Variants in JAM2 observed in about 807,000 individuals in gnomAD.
JAM2 encodes junctional adhesion molecule 2.
JAM2 carries 17 observed loss-of-function variants against 42.0 expected under a neutral mutation model. The ratio of observed to expected loss-of-function variants is 0.40; its 90% CI spans 0.28 to 0.61. JAM2 has a LOEUF of 0.61. Ranked by LOEUF, JAM2 falls within the 20% of genes least tolerant of loss-of-function variation. JAM2 has a pLI of 0.37. For missense variants in JAM2, 319 were observed against 358.3 expected (o/e 0.89, Z 0.89); for synonymous variants, 118 against 128.6 (o/e 0.92, Z 0.56).
chr21:25,669,464 G>A (rs574231031), intron 1 of JAM2, among the ~76,000 whole-genome samples: 3 of 152,180 alleles, frequency 2.0e-5, no homozygotes, highest in Admixed American at 6.5e-5. Context: ...ATCCTCATAC[G>A]CGATTATTGT....
At chr21:25,665,812 G>A (rs894216841) in intron 1 of JAM2, among the ~76,000 whole-genome samples, 15 of 152,036 alleles carry the variant, frequency 9.9e-5, no homozygotes, top group African/African-American at 3.1e-4. Context: ...AGGCCGAGGC[G>A]GGTGGATTAC....
chr21:25,683,308 G>T (rs966341263), intron 1 of JAM2, among the ~76,000 whole-genome samples: 2 of 152,044 alleles, frequency 1.3e-5, no homozygotes, highest in African/African-American at 4.8e-5. Flanking sequence ...TCTATAGACC[G>T]GCTCTCAAAA....
At chr21:25,707,745 G>C (rs753747024) in intron 7 of JAM2, among the ~76,000 whole-genome samples, 2 of 152,146 alleles carry the variant, frequency 1.3e-5, no homozygotes, top group Non-Finnish European at 2.9e-5. Context: ...TGGCAATAGT[G>C]TGTAAAATAA....
At position 25,698,852 on chromosome 21, in the gene JAM2, C is replaced by T. The variant is rs1417123555; in HGVS notation, c.570C>T (p.Tyr190=). ...GCTCCCAAAGCACCAACAGCTCATA[C>T]ACAATGAATACAAAAACTGGAACTC... ...RLGSQSTNSS[Y]TMNTKTGTLQ... The change falls in exon 5 of 10, where the codon TAC becomes TAT. Residue 190 remains tyrosine (Y), a synonymous_variant. Transcript: ENST00000480456. The T allele has an allele frequency of 1.2e-6, 2 of 1,613,998 alleles. No individual in the cohort carries two copies. Among genetic ancestry groups the T allele is most frequent in the Admixed American group, 1.7e-5 (1 of 60,004 alleles).
At chr21:25,646,372 T>C (rs931095232) in intron 1 of JAM2, among the ~76,000 whole-genome samples, 5 of 152,258 alleles carry the variant, frequency 3.3e-5, no homozygotes, top group African/African-American at 1.2e-4. Context: ...ACAGTAGCTC[T>C]TTTGGTTACT....
intron 1 of JAM2, among the ~76,000 whole-genome samples, chr21:25,667,905 AAAAG>A (rs879700542): frequency 5.4e-4 from 82 of 152,362 alleles, no homozygotes; most frequent in Non-Finnish European, 8.5e-4. Flanking sequence ...TGAAAAAAGA[AAAAG>A]AAAAGCAGGA....
At chr21:25,668,130 T>C (rs2033268609) in intron 1 of JAM2, among the ~76,000 whole-genome samples, 1 of 152,162 alleles carries the variant, frequency 6.6e-6, no homozygotes, top group Admixed American at 6.5e-5. Context: ...AGGAAGCCAG[T>C]GTCCCTGGAG....
In JAM2 at chr21:25,655,386, C is replaced by G. The variant is rs150764709; in HGVS notation, c.67+15498C>G. ...TTTTTTTTTTTGTCCTTGAAGCCCT[C>G]TGGTCTTTTTTGTATGCTCCACTTT... On this transcript the variant is annotated intron_variant, in intron 1 of 9. Transcript: ENST00000480456. Among the ~76,000 whole-genome samples, 836 of 111,342 alleles carry G rather than the reference C, an allele frequency of 7.5e-3. 13 individuals carry two copies. The highest frequency in any genetic ancestry group is 0.028 in the African/African-American group (804 of 28,586). The allele number at this position is 111,342 out of a possible 152,430, so 73.0% of individuals were successfully genotyped here.
chr21:25,706,126 T>A (rs371588570), intron 7 of JAM2, 40 bp downstream of exon 7: 1 of 1,234,112 alleles, frequency 8.1e-7, no homozygotes, highest in Admixed American at 1.7e-5. Flanking sequence ...TAACTTTCTA[T>A]GGCTATGGAG....
At chr21:25,647,098 G>A (rs555652678) in intron 1 of JAM2, among the ~76,000 whole-genome samples, 2 of 152,026 alleles carry the variant, frequency 1.3e-5, no homozygotes, top group Admixed American at 6.6e-5. Context: ...TTTACTCTTC[G>A]CTTTCTTCAC....
At chr21:25,676,663 A>C (rs916380379) in intron 1 of JAM2, among the ~76,000 whole-genome samples, 1 of 152,204 alleles carries the variant, frequency 6.6e-6, no homozygotes, top group Non-Finnish European at 1.5e-5. Context: ...GCTAACTTTA[A>C]GACAATTGTT....
At chr21:25,689,995 G>C (rs2033842110) in intron 3 of JAM2, 22 bp downstream of exon 3, 2 of 1,463,078 alleles carry the variant, frequency 1.4e-6, no homozygotes, top group East Asian at 4.5e-5. Flanking sequence ...TAGGCTTGAA[G>C]AGGTGTGAGC....
At chr21:25,684,311 G>A (rs1193839257) in intron 2 of JAM2, among the ~76,000 whole-genome samples, 2 of 152,204 alleles carry the variant, frequency 1.3e-5, no homozygotes, top group East Asian at 1.9e-4. Flanking sequence ...TTAAGGTGAT[G>A]TTAATATAGC....
chr21:25,714,209 A>G (rs2034436715), intron 9 of JAM2: 1 of 1,302,344 alleles, frequency 7.7e-7, no homozygotes, highest in Admixed American at 2.3e-5. Context: ...AGTTTAATTA[A>G]ATATATACTG....
intron 3 of JAM2, 140 bp from the exon 4 acceptor site, chr21:25,693,616 A>G (rs1380612408): frequency 1.4e-6 from 1 of 720,710 alleles, no homozygotes; most frequent in Non-Finnish European, 2.2e-6. Context: ...CAGCATCTAT[A>G]TACAACTTTT....
intron 9 of JAM2, among the ~76,000 whole-genome samples, chr21:25,714,018 G>A (rs551102719): frequency 6.6e-6 from 1 of 152,304 alleles, no homozygotes; most frequent in South Asian, 2.1e-4. Context: ...TTGGTGTAAG[G>A]TGCTGTCCTG....
At chr21:25,686,189 A>G in intron 2 of JAM2, among the ~76,000 whole-genome samples, 1 of 152,238 alleles carries the variant, frequency 6.6e-6, no homozygotes. Flanking sequence ...TTTTTAATAT[A>G]GAAAATCCTT....
rs1568918932 is a variant in JAM2, at chr21:25,705,968, T to C, written c.698-11T>C. On this transcript the variant is annotated splice_polypyrimidine_tract_variant and intron_variant, in intron 6 of 9. Transcript: ENST00000480456. Reference sequence around the variant, plus strand: ...CACATATATTTATGCGTAATTTATTTTACATTCCAGATGATCTCAACATAA... The same window carrying C: ...CACATATATTTATGCGTAATTTATTCTACATTCCAGATGATCTCAACATAA... 6.4e-7 allele frequency: 1 copy of C among 1,571,878 alleles called. No individual in the cohort carries two copies. Among genetic ancestry groups the C allele is most frequent in the Non-Finnish European group, 8.8e-7 (1 of 1,141,604 alleles).
At chr21:25,643,025 A>G (rs917874836) in intron 1 of JAM2, among the ~76,000 whole-genome samples, 1 of 152,204 alleles carries the variant, frequency 6.6e-6, no homozygotes, top group Non-Finnish European at 1.5e-5. Context: ...TTGTAAGCGC[A>G]CTGTTGTCAT....
Sources: allele counts gnomAD v4.1 joint callset (sites outside exome capture counted in the v4.1 genomes callset), GRCh38; gene constraint gnomAD v4.1.1; transcripts MANE v1.5; gene names NCBI Gene and HGNC (gene_info 2026-07-23, HGNC 2026-07-21).